Variants in DDX18 observed in about 807,000 individuals in gnomAD.
DDX18 encodes the protein ATP-dependent RNA helicase DDX18.
Under a neutral mutation model 73.5 loss-of-function variants are expected in DDX18, and 23 were observed. That is an observed-to-expected ratio of 0.31 (90% CI 0.23 to 0.44). The LOEUF is 0.44. DDX18 is among the 20% of genes least tolerant of loss of function. The pLI, the probability that DDX18 is intolerant of heterozygous loss-of-function variation, is 1.00. For missense variants in DDX18, 753 were observed against 792.9 expected (o/e 0.95, Z 0.60); for synonymous variants, 268 against 282.7 (o/e 0.95, Z 0.52).
rs536233439 is a variant in DDX18 at position 117,814,792 on chromosome 2, G to C, written c.15G>C (p.Pro5=). 1 of 1,614,208 alleles carries C rather than the reference G, an allele frequency of 6.2e-7. No homozygotes were observed. The highest frequency in any genetic ancestry group is 8.5e-7 in the Non-Finnish European group (1 of 1,180,040). Residue 5 remains proline (P), a synonymous_variant, in exon 1 of 14, where the codon CCG becomes CCC. Coordinates refer to ENST00000263239, the MANE Select transcript of DDX18 (RefSeq NM_006773.4). Reference sequence around the variant, plus strand: ...TGTTGGGCAGAATGTCACACCTGCCGATGAAACTCCTGCGTAAGAAGATCG... The same window carrying C: ...TGTTGGGCAGAATGTCACACCTGCCCATGAAACTCCTGCGTAAGAAGATCG... MSHL[P]MKLLRKKIEK...
intron 3 of DDX18, 92 bp downstream of exon 3, chr2:117,819,884 T>G: frequency 8.0e-7 from 1 of 1,242,520 alleles, no homozygotes; most frequent in Non-Finnish European, 1.0e-6. Flanking sequence ...TGACTTTCAG[T>G]TTACCTGAAA....
At chr2:117,826,867 A>G (rs1679935998) in intron 11 of DDX18, 1 of 157,384 alleles carries the variant, frequency 6.4e-6, no homozygotes, top group African/African-American at 2.4e-5. Flanking sequence ...GTAAAAAAGT[A>G]ACTTCAACCT....
Position 117,824,644 on chromosome 2 carries a change from AG to A in DDX18, c.1144del (p.Glu382SerfsTer57). On this transcript the variant is annotated frameshift_variant, in exon 8 of 14. Transcript: ENST00000263239. LOFTEE classifies it high-confidence loss of function. The part of the protein sequence containing the change: ...VEDLARISLK[K>X]EPLYVGVDDD... The stretch of plus-strand genomic sequence containing the variant: ...GACCTGGCAAGGATTTCTCTGAAAA[AG>A]GAGCCATTGTATGTTGGCGTTGATG... The A allele has an allele frequency of 1.3e-6, 2 of 1,499,726 alleles. No homozygotes were observed. The highest frequency in any genetic ancestry group is 1.8e-6 in the Non-Finnish European group (2 of 1,126,522). The allele number at this position is 1,499,726 out of a possible 1,614,324, so 92.9% of individuals were successfully genotyped here. A position where few individuals can be genotyped will look rare whatever the true frequency, so the allele number is the denominator to read the frequency against.
In DDX18 at chr2:117,825,467, G is replaced by T. The variant is rs1199224399; in HGVS notation, c.1389G>T (p.Lys463Asn). The change falls in exon 10 of 14, where the codon AAG becomes AAT. Residue 463 changes from lysine to asparagine, a missense_variant. Lys to Asn is a moderately conservative substitution (Grantham distance 94). Coordinates refer to ENST00000263239, the MANE Select transcript of DDX18 (RefSeq NM_006773.4). ...TCTAGGGAAAGCAAAAGCAAAATAA[G>T]CGTACAACCACATTCTTCCAGTTCT... ...LAIHGKQKQN[K>N]RTTTFFQFCN... is the part of the protein sequence containing the mutation. 2 of 1,613,180 alleles carry T rather than the reference G, an allele frequency of 1.2e-6. No homozygotes were observed. The highest frequency in any genetic ancestry group is 1.7e-6 in the Non-Finnish European group (2 of 1,179,286).
chr2:117,826,486 ACAACCATTCTTATGGCAAT>A (rs1573413176), intron 11 of DDX18, 104 bp downstream of exon 11: 1 of 1,047,004 alleles, frequency 9.6e-7, no homozygotes, highest in East Asian at 2.6e-5. Context: ...CAGTGCTGTT[ACAACCATTCTTATGGCAAT>A]TAAGCAAGTA....
chr2:117,815,151 A>G, intron 1 of DDX18: 2 of 392,496 alleles, frequency 5.1e-6, no homozygotes, highest in Non-Finnish European at 9.3e-6. Flanking sequence ...TGCCTTTTGC[A>G]TTTCCACCTT....
At chr2:117,825,295 ATCC>A (rs1396165999) in intron 9 of DDX18, 149 bp from the exon 10 acceptor site, 3 of 1,178,784 alleles carry the variant, frequency 2.5e-6, no homozygotes, top group African/African-American at 3.1e-5. Context: ...GCAAGACACC[ATCC>A]TCCTTGAGGG....
In DDX18 at chr2:117,817,566, A is replaced by G; in HGVS notation, c.208A>G (p.Asn70Asp). The G allele has an allele frequency of 6.2e-7, 1 of 1,614,004 alleles. No homozygotes were observed. The highest frequency in any genetic ancestry group is 8.5e-7 in the Non-Finnish European group (1 of 1,179,938). ...PMNVGLSETQ[N>D]GGMSQEAVGN... ...GAATGTGGGCTTATCAGAAACTCAAAATGGAGGCATGTCTCAAGAAGCAGT... is the reference window on the plus strand; with the variant it reads ...GAATGTGGGCTTATCAGAAACTCAAGATGGAGGCATGTCTCAAGAAGCAGT... Residue 70 changes from asparagine (N) to aspartate (D), a missense_variant, in exon 2 of 14, where the codon AAT (asparagine) becomes GAT (aspartate). Asn to Asp is a conservative substitution (Grantham distance 23). Transcript: ENST00000263239.
At position 117,814,783 on chromosome 2, in the gene DDX18, A is replaced by G; in HGVS notation, c.6A>G (p.Ser2=). M[S]HLPMKLLRKK... ...CTAGGCACTTGTTGGGCAGAATGTC[A>G]CACCTGCCGATGAAACTCCTGCGTA... Residue 2 remains serine, a synonymous_variant, in exon 1 of 14, where the codon TCA becomes TCG. Transcript: ENST00000263239. 2 of 1,614,102 alleles carry G rather than the reference A, an allele frequency of 1.2e-6. No homozygotes were observed. Among genetic ancestry groups the G allele is most frequent in the South Asian group, 1.1e-5 (1 of 91,080 alleles).
chr2:117,814,936 C>T, intron 1 of DDX18, 74 bp downstream of exon 1: 2 of 1,488,048 alleles, frequency 1.3e-6, no homozygotes, highest in Admixed American at 1.7e-5. Flanking sequence ...GCCGGGGGCC[C>T]AGCTGCTCTG....
intron 7 of DDX18, 170 bp downstream of exon 7, chr2:117,822,431 A>G (rs1679860949): frequency 1.2e-5 from 7 of 566,850 alleles, no homozygotes; most frequent in Non-Finnish European, 2.2e-5. Context: ...ATGTATTATA[A>G]CTTGATATAA....
rs890719255 is a variant in DDX18 at position 117,832,312 on chromosome 2, A to G, written c.*1588A>G. Reference sequence around the variant, plus strand: ...TCAAAAATTAAGTCATCTACCTACTACTTGTAACCAGCTTGTTTCATAACA... The same window carrying G: ...TCAAAAATTAAGTCATCTACCTACTGCTTGTAACCAGCTTGTTTCATAACA... On this transcript the variant is annotated 3_prime_UTR_variant, in exon 14 of 14. Transcript: ENST00000263239. 6.6e-6 allele frequency: 1 copy of G among 152,136 alleles called. No individual in the cohort carries two copies. Among genetic ancestry groups the G allele is most frequent in the African/African-American group, 2.4e-5 (1 of 41,430 alleles). 9.4% of individuals were successfully genotyped at this position (152,136 alleles called of 1,614,324 possible).
intron 1 of DDX18, among the ~76,000 whole-genome samples, chr2:117,816,817 G>A (rs1228115979): frequency 6.6e-6 from 1 of 152,224 alleles, no homozygotes; most frequent in Non-Finnish European, 1.5e-5. Flanking sequence ...CGACATTGCA[G>A]TTACTGATGG....
chr2:117,830,905 A>G lies in DDX18; in HGVS notation c.*181A>G. On this transcript the variant is annotated 3_prime_UTR_variant, in exon 14 of 14. Transcript: ENST00000263239. ...CACGTCTCTCTTTTATTTCTGGGATATAAAACAGGCTTTAAGTTTCTTGGT... is the reference window on the plus strand; with the variant it reads ...CACGTCTCTCTTTTATTTCTGGGATGTAAAACAGGCTTTAAGTTTCTTGGT... 1.5e-6 allele frequency: 1 copy of G among 673,192 alleles called. No homozygotes were observed. The highest frequency in any genetic ancestry group is 2.4e-6 in the Non-Finnish European group (1 of 415,194). 41.7% of individuals were successfully genotyped at this position (673,192 alleles called of 1,614,324 possible). A position where few individuals can be genotyped will look rare whatever the true frequency, so the allele number is the denominator to read the frequency against.
At chr2:117,826,549 A>G in intron 11 of DDX18, 167 bp downstream of exon 11, 2 of 644,642 alleles carry the variant, frequency 3.1e-6, no homozygotes, top group Non-Finnish European at 5.4e-6. Flanking sequence ...AGAAGTGAGC[A>G]CAGAAGGAAC....
In DDX18 at chr2:117,814,878, T is replaced by C. The variant is rs1679729159; in HGVS notation, c.85+16T>C. 6.2e-7 allele frequency: 1 copy of C among 1,613,826 alleles called. No individual in the cohort carries two copies. Among genetic ancestry groups the C allele is most frequent in the African/African-American group, 1.3e-5 (1 of 74,914 alleles). On this transcript the variant is annotated intron_variant, in intron 1 of 13. Coordinates refer to ENST00000263239, the MANE Select transcript of DDX18 (RefSeq NM_006773.4). ...AAGTTTCAGGGTGAGATGCGTTGAC[T>C]CGCGGTGGCTCAGAAGACCCACGCG...
At chr2:117,821,363 A>G in intron 4 of DDX18, 67 bp downstream of exon 4, 2 of 1,530,550 alleles carry the variant, frequency 1.3e-6, no homozygotes, top group Non-Finnish European at 1.8e-6. Flanking sequence ...TAAAGAACAT[A>G]CCAGTATATT....
At chr2:117,814,999 G>T in intron 1 of DDX18, 137 bp downstream of exon 1, 1 of 862,400 alleles carries the variant, frequency 1.2e-6, no homozygotes, top group Non-Finnish European at 1.8e-6. Flanking sequence ...GAGTGAAAAG[G>T]CAGCTTCCAC....
Position 117,824,944 on chromosome 2 carries a change from ATGT to A in DDX18, c.1216_1218del (p.Val406del), listed in dbSNP as rs1219941089. 6.2e-7 allele frequency: 1 copy of A among 1,606,798 alleles called. No homozygotes were observed. Among genetic ancestry groups the A allele is most frequent in the Non-Finnish European group, 8.5e-7 (1 of 1,178,094 alleles). On this transcript the variant is annotated inframe_deletion, in exon 9 of 14. Transcript: ENST00000263239. ...GTCTGCTTAAACGCTTTCTAGGGAT[ATGT>A]TGTTTGTCCTTCTGAAAAGAGATTC...
Sources: allele counts gnomAD v4.1 joint callset (sites outside exome capture counted in the v4.1 genomes callset), GRCh38; gene constraint gnomAD v4.1.1; transcripts MANE v1.5; gene names NCBI Gene and HGNC (gene_info 2026-07-23, HGNC 2026-07-21).